The following LRRC7 variants were observed in gnomAD, a reference collection of about 807,000 sequenced individuals.
The protein encoded by LRRC7 is leucine rich repeat containing 7.
A neutral mutation model predicts 175.7 loss-of-function variants in LRRC7; 23 were observed. The observed-to-expected ratio is 0.13, with a 90% CI of 0.09 to 0.19. The LOEUF (loss-of-function observed/expected upper bound fraction) is 0.19, where lower values mean the gene tolerates loss of function less well. LRRC7 is among the 10% of genes least tolerant of loss of function. LRRC7 has a pLI of 1.00. For synonymous variants in LRRC7, 685 were observed against 680.9 expected (o/e 1.01, Z -0.09); for missense variants, 1,354 against 1,904.7 (o/e 0.71, Z 5.38).
At chr1:69,726,379 G>C (rs1339811305) in intron 2 of LRRC7, among the ~76,000 whole-genome samples, 1 of 152,170 alleles carries the variant, frequency 6.6e-6, no homozygotes, top group Admixed American at 6.5e-5. Context: ...TTATTAGATA[G>C]AAATGTAAAG....
intron 7 of LRRC7, among the ~76,000 whole-genome samples, chr1:69,841,673 G>C (rs1170749325): frequency 3.9e-5 from 6 of 152,026 alleles, no homozygotes; most frequent in African/African-American, 9.7e-5. Context: ...TTGTTTACTT[G>C]GAGATTATCT....
At chr1:69,908,516 A>G (rs1036054296) in intron 7 of LRRC7, among the ~76,000 whole-genome samples, 2 of 152,038 alleles carry the variant, frequency 1.3e-5, no homozygotes, top group Non-Finnish European at 2.9e-5. Context: ...TCATTTTGTT[A>G]TGTATCCAGT....
chr1:70,037,062 G>T (rs993331403), intron 20 of LRRC7, among the ~76,000 whole-genome samples: 1 of 152,042 alleles, frequency 6.6e-6, no homozygotes, highest in African/African-American at 2.4e-5. Flanking sequence ...GAAAAGTCAG[G>T]ATGTATTTTT....
chr1:69,828,132 T>A (rs879653758), intron 5 of LRRC7, among the ~76,000 whole-genome samples: 1 of 152,178 alleles, frequency 6.6e-6, no homozygotes, highest in Admixed American at 6.6e-5. Flanking sequence ...TCCCAGGTAG[T>A]ATTCCATTGT....
intron 8 of LRRC7, among the ~76,000 whole-genome samples, chr1:69,946,210 T>C (rs377246953): frequency 1.1e-4 from 16 of 152,188 alleles, no homozygotes; most frequent in African/African-American, 3.9e-4. Context: ...TCAAATACTT[T>C]TTCTGCATCT....
At chr1:69,722,785 T>A (rs1419689910) in intron 2 of LRRC7, among the ~76,000 whole-genome samples, 1 of 152,052 alleles carries the variant, frequency 6.6e-6, no homozygotes. Flanking sequence ...ATTCTTTGAC[T>A]TTTTTTATTG....
At chr1:69,857,629 G>T (rs1557818192) in intron 7 of LRRC7, among the ~76,000 whole-genome samples, 1 of 152,058 alleles carries the variant, frequency 6.6e-6, no homozygotes, top group African/African-American at 2.4e-5. Context: ...ACAAATGGAA[G>T]AACATTCCAT....
At position 70,129,997 on chromosome 1, in the gene LRRC7, T is replaced by G. The variant is rs181012849; in HGVS notation, c.*8110T>G. On this transcript the variant is annotated 3_prime_UTR_variant, in exon 27 of 27. Transcript: ENST00000651989. ...TTCCTCTCCCTATTCCCTTTCTAAA[T>G]TATTAAAATCATATGCAGCCTTCAG... is the stretch of plus-strand genomic sequence containing the variant. The G allele has an allele frequency of 9.2e-5, 14 of 152,326 alleles. No individual in the cohort carries two copies. The East Asian group carries it at 2.3e-3, about 25-fold the overall frequency. The allele number at this position is 152,326 out of a possible 1,614,324, so 9.4% of individuals were successfully genotyped here. A position where few individuals can be genotyped will look rare whatever the true frequency, so the allele number is the denominator to read the frequency against.
At chr1:69,984,993 TA>T (rs1231644355) in intron 9 of LRRC7, among the ~76,000 whole-genome samples, 6 of 152,226 alleles carry the variant, frequency 3.9e-5, no homozygotes, top group African/African-American at 1.4e-4. Flanking sequence ...CGTCACACTT[TA>T]TAAAGGCACG....
rs202013324 is a variant in LRRC7, at chr1:69,904,660, G to GT, written c.648-26840dup. 2.0e-3 allele frequency among the ~76,000 whole-genome samples: 304 copies of GT among 151,660 alleles called. 8 individuals are homozygous for GT. In the East Asian group the frequency reaches 0.051, roughly 25 times the overall value. On this transcript the variant is annotated intron_variant, in intron 7 of 26. Coordinates refer to ENST00000651989, the MANE Select transcript of LRRC7 (RefSeq NM_001370785.2). ...AAATGCACTTTCTCCTGATCTTTTT[G>GT]TTTTTTTACATTTTTAAAAATTTAT... is the stretch of plus-strand genomic sequence containing the variant.
At chr1:69,982,791 T>G (rs1441256271) in intron 9 of LRRC7, among the ~76,000 whole-genome samples, 1 of 152,218 alleles carries the variant, frequency 6.6e-6, no homozygotes, top group African/African-American at 2.4e-5. Flanking sequence ...GCTGCACTGC[T>G]CACCTATAGA....
rs1666315640 is a variant in LRRC7 at position 70,123,718 on chromosome 1, T to A, written c.*1831T>A. Among the ~76,000 whole-genome samples the A allele has an allele frequency of 6.6e-6, 1 of 152,192 alleles. No individual in the cohort carries two copies. Among genetic ancestry groups the A allele is most frequent in the African/African-American group, 2.4e-5 (1 of 41,452 alleles). On this transcript the variant is annotated 3_prime_UTR_variant, in exon 27 of 27. Transcript: ENST00000651989. ...TATTGAGAGTTTCAGATGAGAAATGTCTTTCAGAGACTAATTTTCTTTGTT... is the reference window on the plus strand; with the variant it reads ...TATTGAGAGTTTCAGATGAGAAATGACTTTCAGAGACTAATTTTCTTTGTT...
intron 1 of LRRC7, among the ~76,000 whole-genome samples, chr1:69,665,931 C>T (rs1658202319): frequency 6.6e-6 from 1 of 151,664 alleles, no homozygotes; most frequent in Admixed American, 6.6e-5. Context: ...TCAGGTTTTC[C>T]CCATTAAGTA....
intron 10 of LRRC7, among the ~76,000 whole-genome samples, 172 bp downstream of exon 10, chr1:69,986,558 T>C (rs977258128): frequency 6.6e-6 from 1 of 152,174 alleles, no homozygotes; most frequent in Non-Finnish European, 1.5e-5. Flanking sequence ...TTAAGTGAAA[T>C]ATTAACTCGT....
chr1:69,680,165 G>A (rs960221973), intron 2 of LRRC7, among the ~76,000 whole-genome samples: 3 of 152,066 alleles, frequency 2.0e-5, no homozygotes, highest in Admixed American at 6.6e-5. Flanking sequence ...AAATTCTAGT[G>A]CTGCAAGCCA....
chr1:69,648,240 G>A (rs1655280364), intron 1 of LRRC7, among the ~76,000 whole-genome samples: 1 of 151,910 alleles, frequency 6.6e-6, no homozygotes, highest in Non-Finnish European at 1.5e-5. Context: ...TCTGTCTCTT[G>A]GTAATTGTTC....
intron 8 of LRRC7, among the ~76,000 whole-genome samples, chr1:69,936,985 A>G (rs1413068446): frequency 6.6e-6 from 1 of 152,100 alleles, no homozygotes; most frequent in Non-Finnish European, 1.5e-5. Flanking sequence ...AGGCATCTAG[A>G]TTGATGCTAT....
At chr1:69,785,479 A>G (rs1286957402) in intron 3 of LRRC7, among the ~76,000 whole-genome samples, 1 of 152,028 alleles carries the variant, frequency 6.6e-6, no homozygotes, top group Non-Finnish European at 1.5e-5. Flanking sequence ...AAATTAATCC[A>G]TTTTTACTGA....
intron 1 of LRRC7, among the ~76,000 whole-genome samples, chr1:69,575,211 A>C (rs923718113): frequency 6.6e-6 from 1 of 152,088 alleles, no homozygotes; most frequent in African/African-American, 2.4e-5. Flanking sequence ...AATAGCAATA[A>C]AATCAGGTCT....
Sources: gnomAD v4.1 joint callset for allele counts (sites outside exome capture counted in the v4.1 genomes callset) on GRCh38, gnomAD v4.1.1 for gene constraint, MANE v1.5 for transcripts, NCBI Gene and HGNC (gene_info 2026-07-23, HGNC 2026-07-21) for gene names.